The following EMC2 variants were observed in gnomAD, a reference collection of about 807,000 sequenced individuals.
The protein encoded by EMC2 is ER membrane protein complex subunit 2.
Under a neutral mutation model 51.6 loss-of-function variants are expected in EMC2, and 37 were observed. The ratio of observed to expected loss-of-function variants is 0.72; its 90% CI spans 0.55 to 0.94. The LOEUF is 0.94. Ranked by LOEUF, EMC2 falls within the 40% of genes least tolerant of loss-of-function variation. The pLI is 0.00. For synonymous variants in EMC2, 131 were observed against 112.4 expected (o/e 1.17, Z -1.04); for missense variants, 359 against 350.9 (o/e 1.02, Z -0.18).
chr8:108,446,479 G>A (rs1031900456), intron 1 of EMC2, among the ~76,000 whole-genome samples: 1 of 152,102 alleles, frequency 6.6e-6, no homozygotes, highest in Non-Finnish European at 1.5e-5. Context: ...AAATAGAGTA[G>A]AAGATGTAAA....
chr8:108,444,771 A>T (rs893239836), intron 1 of EMC2, among the ~76,000 whole-genome samples: 26 of 152,160 alleles, frequency 1.7e-4, no homozygotes, highest in African/African-American at 5.8e-4. Flanking sequence ...TTATACCTGA[A>T]TTGAGGGATT....
intron 3 of EMC2, 40 bp from the exon 4 acceptor site, chr8:108,453,022 T>C (rs1230533581): frequency 8.9e-7 from 1 of 1,128,302 alleles, no homozygotes; most frequent in Non-Finnish European, 1.3e-6. Flanking sequence ...GCCCATTTAG[T>C]ATAAATAATG....
chr8:108,465,904 G>C (rs921142146), intron 5 of EMC2, among the ~76,000 whole-genome samples: 1 of 152,142 alleles, frequency 6.6e-6, no homozygotes, highest in Admixed American at 6.5e-5. Flanking sequence ...CTGAGAAAAA[G>C]CTGCAGCTTT....
chr8:108,462,001 G>T (rs1007006176), intron 5 of EMC2, among the ~76,000 whole-genome samples: 1 of 152,056 alleles, frequency 6.6e-6, no homozygotes, highest in Admixed American at 6.5e-5. Context: ...TAGAGATGGG[G>T]TTTCACCATG....
Position 108,488,058 on chromosome 8 carries a change from C to T in EMC2, c.*1460C>T, listed in dbSNP as rs1811174513. Among the ~76,000 whole-genome samples, 1 of 152,120 alleles carries T rather than the reference C, an allele frequency of 6.6e-6. No individual in the cohort carries two copies. The highest frequency in any genetic ancestry group is 2.4e-5 in the African/African-American group (1 of 41,412). On this transcript the variant is annotated 3_prime_UTR_variant, in exon 11 of 11. Coordinates refer to ENST00000220853, the MANE Select transcript of EMC2 (RefSeq NM_014673.5). The stretch of plus-strand genomic sequence containing the variant: ...CCTGCACGTTGTTTCACTACCTTTT[C>T]CCCTTCAAACCTCCTCCCCGTCAGT...
At position 108,488,245 on chromosome 8, in the gene EMC2, A is replaced by G. The variant is rs28687685; in HGVS notation, c.*1647A>G. Among the ~76,000 whole-genome samples, 1,567 of 150,256 alleles carry G rather than the reference A, an allele frequency of 0.01. 34 individuals carry two copies. Among genetic ancestry groups the G allele is most frequent in the African/African-American group, 0.036 (1,473 of 40,852 alleles). ...AGTGACGTGATCGCAGCTCACTGCA[A>G]CCTCCTCCCGGGTTCAAGCGATTCT... On this transcript the variant is annotated 3_prime_UTR_variant, in exon 11 of 11. Coordinates refer to ENST00000220853, the MANE Select transcript of EMC2 (RefSeq NM_014673.5).
intron 5 of EMC2, chr8:108,463,943 A>G (rs1446349501): frequency 1.3e-5 from 2 of 152,504 alleles, no homozygotes; most frequent in Non-Finnish European, 2.9e-5. Flanking sequence ...ACCCTCCACT[A>G]ACCCCTCATT....
chr8:108,460,282 A>T (rs1251800213), intron 5 of EMC2, among the ~76,000 whole-genome samples: 2 of 152,220 alleles, frequency 1.3e-5, no homozygotes, highest in African/African-American at 4.8e-5. Flanking sequence ...AGACTATAAG[A>T]TAATATGTGA....
chr8:108,462,289 ATAGTT>A (rs1176362725), intron 5 of EMC2, among the ~76,000 whole-genome samples: 7 of 151,800 alleles, frequency 4.6e-5, no homozygotes, highest in Non-Finnish European at 7.4e-5. Flanking sequence ...ATGTAACAAT[ATAGTT>A]TAAAGATCAT....
intron 7 of EMC2, among the ~76,000 whole-genome samples, chr8:108,472,559 C>G (rs1379087140): frequency 6.6e-6 from 1 of 150,562 alleles, no homozygotes; most frequent in Non-Finnish European, 1.5e-5. Context: ...TAATTGAACA[C>G]TTAGAAGGAA....
intron 7 of EMC2, among the ~76,000 whole-genome samples, 189 bp downstream of exon 7, chr8:108,470,310 C>G (rs144514061): frequency 2.3e-3 from 346 of 152,166 alleles, no homozygotes; most frequent in African/African-American, 7.8e-3. Context: ...AAGTGAATAG[C>G]TTTAACTAGG....
At chr8:108,458,006 A>G (rs1819210926) in intron 5 of EMC2, among the ~76,000 whole-genome samples, 1 of 152,200 alleles carries the variant, frequency 6.6e-6, no homozygotes, top group Non-Finnish European at 1.5e-5. Context: ...AAATACAGCC[A>G]TTCCAAATGG....
At chr8:108,481,149 C>T (rs1065243) in intron 10 of EMC2, among the ~76,000 whole-genome samples, 103,920 of 151,876 alleles carry the variant, frequency 0.68, 36,112 homozygotes, top group African/African-American at 0.81. Context: ...GAAAATGTCA[C>T]CTGTGGGCGT....
intron 5 of EMC2, among the ~76,000 whole-genome samples, chr8:108,456,514 A>G (rs1019916447): frequency 6.6e-5 from 10 of 152,100 alleles, no homozygotes; most frequent in African/African-American, 2.2e-4. Context: ...AAAAAAAGCC[A>G]TTTCAATAAT....
At chr8:108,461,272 T>C (rs1819312263) in intron 5 of EMC2, among the ~76,000 whole-genome samples, 1 of 152,238 alleles carries the variant, frequency 6.6e-6, no homozygotes, top group Non-Finnish European at 1.5e-5. Context: ...TCATTGAAGC[T>C]TTAAGCAGCT....
chr8:108,459,722 G>GAGAA lies in EMC2; in HGVS notation c.363+3792_363+3793insAGAA, dbSNP rs1554617752. ...GCCATGTGAGAGAGAGAGAGAGAGA[G>GAGAA]TGTGTGTGTGTGTGTGTGTGTGTGT... On this transcript the variant is annotated intron_variant, in intron 5 of 10. Coordinates refer to ENST00000220853, the MANE Select transcript of EMC2 (RefSeq NM_014673.5). 5.1e-5 allele frequency among the ~76,000 whole-genome samples: 3 copies of GAGAA among 58,904 alleles called. No individual in the cohort carries two copies. The African/African-American group carries it at 5.3e-4, about 10-fold the overall frequency. 38.6% of individuals were successfully genotyped at this position (58,904 alleles called of 152,430 possible). A position where few individuals can be genotyped will look rare whatever the true frequency, so the allele number is the denominator to read the frequency against.
At chr8:108,454,708 C>T (rs1030400646) in intron 4 of EMC2, among the ~76,000 whole-genome samples, 5 of 152,108 alleles carry the variant, frequency 3.3e-5, no homozygotes, top group Non-Finnish European at 5.9e-5. Flanking sequence ...AAGGTTCTAA[C>T]CAATATTATT....
chr8:108,457,571 A>G (rs1819200870), intron 5 of EMC2, among the ~76,000 whole-genome samples: 1 of 152,152 alleles, frequency 6.6e-6, no homozygotes, highest in Non-Finnish European at 1.5e-5. Context: ...ACAGCAGGCA[A>G]AGAGAGCTTG....
chr8:108,483,820 A>ATACAGTTAGATTTTGCTT (rs1811088745), intron 10 of EMC2, among the ~76,000 whole-genome samples: 3 of 152,306 alleles, frequency 2.0e-5, no homozygotes, highest in African/African-American at 7.2e-5. Flanking sequence ...GAATAATGTA[A>ATACAGTTAGATTTTGCTT]AAGAGTATAT....
Sources: allele counts gnomAD v4.1 joint callset (sites outside exome capture counted in the v4.1 genomes callset), GRCh38; gene constraint gnomAD v4.1.1; transcripts MANE v1.5; gene names NCBI Gene and HGNC (gene_info 2026-07-23, HGNC 2026-07-21).